The following GINS3 variants were observed in gnomAD, a reference collection of about 807,000 sequenced individuals.
The protein encoded by GINS3 is GINS complex subunit 3.
GINS3 carries 18 observed loss-of-function variants against 20.0 expected under a neutral mutation model. That is an observed-to-expected ratio of 0.90 (90% confidence interval 0.62 to 1.33). GINS3 has a LOEUF of 1.33. Ranked by LOEUF, GINS3 falls within the 40% of genes most tolerant of loss-of-function variation. The pLI is 0.00. For missense variants in GINS3, 254 were observed against 273.6 expected (o/e 0.93, Z 0.51); for synonymous variants, 109 against 107.0 (o/e 1.02, Z -0.12).
chr16:58,403,623 A>C, intron 2 of GINS3: 2 of 376,918 alleles, frequency 5.3e-6, no homozygotes, highest in East Asian at 5.9e-5. Flanking sequence ...ATGGCCAGGC[A>C]TGGTGGCTCA....
At chr16:58,397,256 G>C (rs1259560640) in intron 1 of GINS3, among the ~76,000 whole-genome samples, 2 of 151,464 alleles carry the variant, frequency 1.3e-5, no homozygotes, top group Non-Finnish European at 2.9e-5. Flanking sequence ...CGGGGCAGCA[G>C]GGCAGAGGCA....
At chr16:58,401,319 G>A (rs1965951133) in intron 1 of GINS3, among the ~76,000 whole-genome samples, 2 of 152,148 alleles carry the variant, frequency 1.3e-5, no homozygotes, top group African/African-American at 4.8e-5. Flanking sequence ...TACAGCTCAT[G>A]AAGGTAGTGG....
In GINS3 at chr16:58,405,016, A is replaced by C; in HGVS notation, c.*287A>C. The C allele has an allele frequency of 2.6e-6, 1 of 378,812 alleles. No individual in the cohort carries two copies. The highest frequency in any genetic ancestry group is 4.9e-6 in the Non-Finnish European group (1 of 204,176). 23.5% of individuals were successfully genotyped at this position (378,812 alleles called of 1,614,324 possible). A position where few individuals can be genotyped will look rare whatever the true frequency, so the allele number is the denominator to read the frequency against. On this transcript the variant is annotated 3_prime_UTR_variant, in exon 3 of 3. Coordinates refer to ENST00000318129, the MANE Select transcript of GINS3 (RefSeq NM_022770.4). ...TCCTTCCTAAATAAGAATCACTGCC[A>C]TATAATATATCACAGTAGAGTTGCA...
In GINS3 at chr16:58,405,019, T is replaced by C. The variant is rs1400531443; in HGVS notation, c.*290T>C. The C allele has an allele frequency of 2.7e-6, 1 of 373,604 alleles. No homozygotes were observed. Among genetic ancestry groups the C allele is most frequent in the East Asian group, 5.3e-5 (1 of 18,908 alleles). The allele number at this position is 373,604 out of a possible 1,614,324, so 23.1% of individuals were successfully genotyped here. ...TTCCTAAATAAGAATCACTGCCATA[T>C]AATATATCACAGTAGAGTTGCAACT... On this transcript the variant is annotated 3_prime_UTR_variant, in exon 3 of 3. Coordinates refer to ENST00000318129, the MANE Select transcript of GINS3 (RefSeq NM_022770.4).
Position 58,392,749 on chromosome 16 carries a change from C to G in GINS3, c.148C>G (p.Arg50Gly). The G allele has an allele frequency of 1.9e-6, 3 of 1,613,204 alleles. No homozygotes were observed. Among genetic ancestry groups the G allele is most frequent in the Non-Finnish European group, 2.5e-6 (3 of 1,179,864 alleles). ...MPRLGAFFLE[R>G]SAGAETDNAV... Reference sequence around the variant, plus strand: ...TCGCCTTGGCGCTTTCTTCCTGGAGCGGAGCGCAGGCGCCGAGACTGACAA... The same window carrying G: ...TCGCCTTGGCGCTTTCTTCCTGGAGGGGAGCGCAGGCGCCGAGACTGACAA... The change falls in exon 1 of 3, where the codon CGG becomes GGG. Residue 50 changes from arginine (R) to glycine (G), a missense_variant. Coordinates refer to ENST00000318129, the MANE Select transcript of GINS3 (RefSeq NM_022770.4).
intron 1 of GINS3, among the ~76,000 whole-genome samples, chr16:58,393,056 C>T (rs1458699250): frequency 6.6e-6 from 1 of 152,180 alleles, no homozygotes; most frequent in Non-Finnish European, 1.5e-5. Context: ...TTTTTTGAAA[C>T]TGTCCAAATT....
At chr16:58,396,618 A>AC (rs1965868838) in intron 1 of GINS3, among the ~76,000 whole-genome samples, 11 of 1,992 alleles carry the variant, frequency 5.5e-3, no homozygotes, top group African/African-American at 0.033. Flanking sequence ...CGGGGGGCTG[A>AC]TCCCCCCACC....
At chr16:58,397,733 T>G (rs1407140151) in intron 1 of GINS3, among the ~76,000 whole-genome samples, 3 of 151,444 alleles carry the variant, frequency 2.0e-5, no homozygotes, top group African/African-American at 4.9e-5. Flanking sequence ...GGCAGGGAGG[T>G]TGCAGTGAGC....
intron 1 of GINS3, among the ~76,000 whole-genome samples, chr16:58,402,769 C>CA (rs545644246): frequency 1.6e-3 from 241 of 152,146 alleles, no homozygotes; most frequent in African/African-American, 5.6e-3. Context: ...ATTGAATATT[C>CA]AAAGAAAAAG....
intron 2 of GINS3, chr16:58,403,943 A>G (rs1965991443): frequency 6.3e-6 from 1 of 159,384 alleles, no homozygotes; most frequent in Non-Finnish European, 1.4e-5. Flanking sequence ...ACATCAATTC[A>G]CCTGTAAGAA....
In GINS3 at chr16:58,392,646, TGAG is replaced by T. The variant is rs760496922; in HGVS notation, c.49_51del (p.Glu17del). 3.5e-5 allele frequency: 57 copies of T among 1,614,086 alleles called. No individual in the cohort carries two copies. Among genetic ancestry groups the T allele is most frequent in the Non-Finnish European group, 4.4e-5 (52 of 1,180,022 alleles). ...GAGTGGAGTCGGGTGCGCTGGGGCC[TGAG>T]GAGAACTTTCTTTCTTTGGACGACA... On this transcript the variant is annotated inframe_deletion, in exon 1 of 3. Coordinates refer to ENST00000318129, the MANE Select transcript of GINS3 (RefSeq NM_022770.4).
chr16:58,400,587 G>A (rs1341811867), intron 1 of GINS3, among the ~76,000 whole-genome samples: 1 of 152,182 alleles, frequency 6.6e-6, no homozygotes, highest in East Asian at 1.9e-4. Flanking sequence ...CCAACCAAGG[G>A]CCAACCTTGC....
At chr16:58,396,120 G>A (rs1357282707) in intron 1 of GINS3, among the ~76,000 whole-genome samples, 1 of 141,482 alleles carries the variant, frequency 7.1e-6, no homozygotes, top group Non-Finnish European at 1.5e-5. Context: ...GGACGGGGCG[G>A]CTGGCTGGGT....
At chr16:58,394,941 C>T (rs1965829230) in intron 1 of GINS3, among the ~76,000 whole-genome samples, 3 of 152,146 alleles carry the variant, frequency 2.0e-5, no homozygotes. Context: ...CTTTAGAATC[C>T]TTCTGCATGG....
intron 1 of GINS3, among the ~76,000 whole-genome samples, chr16:58,395,789 C>A (rs1173713155): frequency 6.6e-6 from 1 of 152,210 alleles, no homozygotes; most frequent in East Asian, 1.9e-4. Flanking sequence ...CCTTTCCCCC[C>A]TTTCTATTCC....
chr16:58,395,960 G>GC lies in GINS3; in HGVS notation c.186+3174dup, dbSNP rs1164065393. Among the ~76,000 whole-genome samples, 8 of 150,078 alleles carry GC rather than the reference G, an allele frequency of 5.3e-5. No homozygotes were observed. The East Asian group carries it at 1.4e-3, about 26-fold the overall frequency. ...GACGGGGCGGCTGGCTGGGCGGGGG[G>GC]CTGGCCCCCCCACCTCCCTCCCGGA... is the stretch of plus-strand genomic sequence containing the variant. On this transcript the variant is annotated intron_variant, in intron 1 of 2. Coordinates refer to ENST00000318129, the MANE Select transcript of GINS3 (RefSeq NM_022770.4).
rs769209040 is a variant in GINS3, at chr16:58,403,224, A to G, written c.313A>G (p.Asn105Asp). ...GWRTVFSADP[N>D]VVDLHKMGPH... is the part of the protein sequence containing the mutation. ...GAGGACTGTGTTCAGTGCAGATCCC[A>G]ATGTGGTGGACCTCCACAAAATGGG... The change falls in exon 2 of 3, where the codon AAT (asparagine) becomes GAT (aspartate). Residue 105 changes from asparagine to aspartate, a missense_variant. Transcript: ENST00000318129. 1.2e-6 allele frequency: 2 copies of G among 1,614,010 alleles called. No individual in the cohort carries two copies. Among genetic ancestry groups the G allele is most frequent in the Non-Finnish European group, 1.7e-6 (2 of 1,180,028 alleles).
At chr16:58,393,536 T>G (rs924741530) in intron 1 of GINS3, 2 of 152,242 alleles carry the variant, frequency 1.3e-5, no homozygotes, top group African/African-American at 4.8e-5. Flanking sequence ...AAGTAATACA[T>G]AACCAACGTT....
At chr16:58,395,712 A>G (rs1965844488) in intron 1 of GINS3, among the ~76,000 whole-genome samples, 1 of 152,044 alleles carries the variant, frequency 6.6e-6, no homozygotes, top group African/African-American at 2.4e-5. Flanking sequence ...ACAAAATGAA[A>G]AGTCTCCCAC....
Sources: allele counts gnomAD v4.1 joint callset (sites outside exome capture counted in the v4.1 genomes callset), GRCh38; gene constraint gnomAD v4.1.1; transcripts MANE v1.5; gene names NCBI Gene and HGNC (gene_info 2026-07-23, HGNC 2026-07-21).